STAT5A: variants seen among roughly 807,000 people sequenced by gnomAD.
STAT5A encodes signal transducer and activator of transcription 5A, also known as epididymis secretory sperm binding protein.
Under a neutral mutation model 100.2 loss-of-function variants are expected in STAT5A, and 26 were observed. The ratio of observed to expected loss-of-function variants is 0.26; its 90% confidence interval spans 0.19 to 0.36. The LOEUF is 0.36. STAT5A is among the 10% of genes least tolerant of loss of function. STAT5A has a pLI of 1.00. For missense variants in STAT5A, 634 were observed against 1,027.5 expected, an observed-to-expected ratio of 0.62 and a Z score of 5.24; for synonymous variants, 330 against 424.3, an observed-to-expected ratio of 0.78 and a Z score of 2.73.
chr17:42,307,538 G>T lies in STAT5A; in HGVS notation c.1775+42G>T, dbSNP rs373682045. On this transcript the variant is annotated intron_variant, in intron 14 of 18. Transcript: ENST00000590949. ...GCAGGGTCAGGGGCCAGCTGTGGGC[G>T]CAGAGAGACTGTGGCTGTGGCCCAG... 10 of 1,614,048 alleles carry T rather than the reference G, an allele frequency of 6.2e-6. No individual in the cohort carries two copies. The East Asian group carries it at 2.0e-4, about 32-fold the overall frequency.
chr17:42,308,442 G>C lies in STAT5A; in HGVS notation c.2062+109G>C. On this transcript the variant is annotated intron_variant, in intron 16 of 18. Transcript: ENST00000590949. This position sits in a 1 kb window ranked among gnomAD's most constrained non-coding sequence, Gnocchi z 4.6. ...GGACTTCCCCAGGAGGAGCCTAGGGGCCATGTCCCCTGTGGGTTTTGGCCC... is the reference window on the plus strand; with the variant it reads ...GGACTTCCCCAGGAGGAGCCTAGGGCCCATGTCCCCTGTGGGTTTTGGCCC... 6.6e-7 allele frequency: 1 copy of C among 1,507,502 alleles called. No individual in the cohort carries two copies. The highest frequency in any genetic ancestry group is 9.0e-7 in the Non-Finnish European group (1 of 1,105,662). 93.4% of individuals were successfully genotyped at this position (1,507,502 alleles called of 1,614,324 possible). A position where few individuals can be genotyped will look rare whatever the true frequency, so the allele number is the denominator to read the frequency against.
chr17:42,307,228 G>C (rs2081037468), intron 13 of STAT5A, among the ~76,000 whole-genome samples, 174 bp from the exon 14 acceptor site: 2 of 152,094 alleles, frequency 1.3e-5, no homozygotes, highest in South Asian at 2.1e-4. Flanking sequence ...TTTCCTCTCT[G>C]TTTTCCTAGG....
In STAT5A at chr17:42,304,317, G is replaced by A; in HGVS notation, c.1170-25G>A. On this transcript the variant is annotated intron_variant, in intron 9 of 18. Coordinates refer to ENST00000590949, the MANE Select transcript of STAT5A (RefSeq NM_001288718.2). This position sits in a 1 kb window ranked among gnomAD's most constrained non-coding sequence, Gnocchi z 4.8. ...GCTCCTGGCCTGGGGCCCATGTGGA[G>A]CTGGGACCCCCCTCTCCTTTGCAGC... 2 of 1,612,030 alleles carry A rather than the reference G, an allele frequency of 1.2e-6. No individual in the cohort carries two copies. The highest frequency in any genetic ancestry group is 1.7e-6 in the Non-Finnish European group (2 of 1,178,498).
chr17:42,305,804 C>T, intron 12 of STAT5A, 102 bp downstream of exon 12: 2 of 1,245,982 alleles, frequency 1.6e-6, no homozygotes, highest in Admixed American at 2.1e-5. Flanking sequence ...CTTCCTCACC[C>T]CAGGGCCAGC....
chr17:42,309,354 GCT>G, intron 17 of STAT5A, 21 bp from the exon 18 acceptor site: 1 of 1,611,740 alleles, frequency 6.2e-7, no homozygotes, highest in Non-Finnish European at 8.5e-7. Context: ...GGTGGCTGAA[GCT>G]CTGTTCTCTT....
At position 42,298,966 on chromosome 17, in the gene STAT5A, T is replaced by C. The variant is rs567056067; in HGVS notation, c.551-785T>C. Among the ~76,000 whole-genome samples the C allele has an allele frequency of 5.9e-5, 9 of 151,600 alleles. No individual in the cohort carries two copies. In the East Asian group the frequency reaches 1.7e-3, roughly 29 times the overall value. The stretch of plus-strand genomic sequence containing the variant: ...GGACACGCTCTCCCTCTGCGGTCTG[T>C]CTATCTGTCTGTCTCCCCTGGTTGG... On this transcript the variant is annotated intron_variant, in intron 5 of 18. Transcript: ENST00000590949.
chr17:42,288,602 G>A lies in STAT5A; in HGVS notation c.-11+4G>A, dbSNP rs1480435319. On this transcript the variant is annotated splice_donor_region_variant and intron_variant, in intron 1 of 18. Coordinates refer to ENST00000590949, the MANE Select transcript of STAT5A (RefSeq NM_001288718.2). This position sits in a 1 kb window ranked among gnomAD's most constrained non-coding sequence, Gnocchi z 4.8. ...CCGGACGGTGCGGCCCCACCAGGTG[G>A]GTGACCCGGTGGCGCGTCCTCGGCG... 6.6e-6 allele frequency: 1 copy of A among 152,130 alleles called. No individual in the cohort carries two copies. The highest frequency in any genetic ancestry group is 6.5e-5 in the Admixed American group (1 of 15,272). 9.4% of individuals were successfully genotyped at this position (152,130 alleles called of 1,614,324 possible).
In STAT5A at chr17:42,292,878, T is replaced by C. The variant is rs540744512; in HGVS notation, c.375+817T>C. On this transcript the variant is annotated intron_variant, in intron 4 of 18. Transcript: ENST00000590949. ...CTCCTGACCTCATGATCCACCCGCC[T>C]CGGCCTCCCAAAGTGTTGGGATTAC... Among the ~76,000 whole-genome samples, 5 of 152,186 alleles carry C rather than the reference T, an allele frequency of 3.3e-5. No individual in the cohort carries two copies. In the South Asian group the frequency reaches 6.2e-4, roughly 19 times the overall value.
chr17:42,309,302 G>A (rs2081058202), intron 17 of STAT5A, 75 bp from the exon 18 acceptor site: 1 of 1,561,442 alleles, frequency 6.4e-7, no homozygotes. Flanking sequence ...AGACAAACAT[G>A]CCCCTCGGTC....
rs542105486 is a variant in STAT5A, at chr17:42,289,495, C to A, written c.84C>A (p.Ile28=). ...MQVLYGQHFP[I]EVRHYLAQWI... is the part of the protein sequence containing the mutation. ...TGCTGTACGGCCAGCACTTCCCCAT[C>A]GAGGTCCGGCACTACTTGGCCCAGT... The change falls in exon 2 of 19, where the codon ATC becomes ATA. Residue 28 remains isoleucine (I), a synonymous_variant. Coordinates refer to ENST00000590949, the MANE Select transcript of STAT5A (RefSeq NM_001288718.2). The A allele has an allele frequency of 2.5e-6, 4 of 1,613,342 alleles. No individual in the cohort carries two copies. In the East Asian group the frequency reaches 6.7e-5, roughly 27 times the overall value.
At chr17:42,294,151 T>G (rs2080897135) in intron 4 of STAT5A, among the ~76,000 whole-genome samples, 1 of 151,492 alleles carries the variant, frequency 6.6e-6, no homozygotes, top group South Asian at 2.1e-4. Flanking sequence ...AGGAGGGGGA[T>G]GTTGCAGTGA....
chr17:42,308,033 T>C lies in STAT5A; in HGVS notation c.1907-145T>C, dbSNP rs2081046616. 1.7e-6 allele frequency: 2 copies of C among 1,158,594 alleles called. No homozygotes were observed. Among genetic ancestry groups the C allele is most frequent in the Non-Finnish European group, 2.4e-6 (2 of 831,976 alleles). The allele number at this position is 1,158,594 out of a possible 1,614,324, so 71.8% of individuals were successfully genotyped here. On this transcript the variant is annotated intron_variant, in intron 15 of 18. Coordinates refer to ENST00000590949, the MANE Select transcript of STAT5A (RefSeq NM_001288718.2). The surrounding 1 kb of genome is among the most constrained non-coding windows in gnomAD (Gnocchi z 4.6). Reference sequence around the variant, plus strand: ...GGTTTGCTGAGTAGAACATCCCGCATCGGCTTTCTTCCCTACAGGCTGGGG... The same window carrying C: ...GGTTTGCTGAGTAGAACATCCCGCACCGGCTTTCTTCCCTACAGGCTGGGG...
In STAT5A at chr17:42,289,955, A is replaced by G; in HGVS notation, c.218A>G (p.Glu73Gly). 3 of 1,610,752 alleles carry G rather than the reference A, an allele frequency of 1.9e-6. No individual in the cohort carries two copies. The highest frequency in any genetic ancestry group is 2.5e-6 in the Non-Finnish European group (3 of 1,178,734). Residue 73 changes from glutamate to glycine, a missense_variant, in exon 3 of 19, where the codon GAG becomes GGG. Physicochemically the swap from Glu to Gly is moderately conservative, Grantham distance 98. Coordinates refer to ENST00000590949, the MANE Select transcript of STAT5A (RefSeq NM_001288718.2). ...GTGCAGGAGCTGCAGAAGAAGGCGG[A>G]GCACCAGGTGGGGGAAGATGGGTTT... ...GLVQELQKKA[E>G]HQVGEDGFLL...
rs2080963978 is a variant in STAT5A at position 42,300,286 on chromosome 17, T to C, written c.833+5T>C. ...CCTGGACGTGCTACAGTCCTGGTAA[T>C]GGTGTGGGGCGGCCAGCGGGCAGGG... On this transcript the variant is annotated splice_donor_5th_base_variant and intron_variant, in intron 7 of 18. Transcript: ENST00000590949. The C allele has an allele frequency of 6.4e-7, 1 of 1,565,714 alleles. No individual in the cohort carries two copies. Among genetic ancestry groups the C allele is most frequent in the Non-Finnish European group, 8.7e-7 (1 of 1,155,548 alleles).
rs750372413 is a variant in STAT5A, at chr17:42,304,592, C to T, written c.1320C>T (p.Phe440=). ...RGAESVTEEK[F]TVLFESQFSV... ...CAGAGTCCGTGACAGAGGAGAAGTT[C>T]ACAGTCCTGTTTGAGTCTCAGTTCA... Residue 440 remains phenylalanine (F), a synonymous_variant, in exon 11 of 19, where the codon TTC becomes TTT. Transcript: ENST00000590949. The surrounding 1 kb of genome is among the most constrained non-coding windows in gnomAD (Gnocchi z 4.8). 5 of 1,614,098 alleles carry T rather than the reference C, an allele frequency of 3.1e-6. No individual in the cohort carries two copies. In the South Asian group the frequency reaches 5.5e-5, roughly 18 times the overall value.
chr17:42,308,639 A>G lies in STAT5A; in HGVS notation c.2062+306A>G, dbSNP rs1391698078. 1.6e-5 allele frequency: 8 copies of G among 499,094 alleles called. No homozygotes were observed. The highest frequency in any genetic ancestry group is 1.3e-4 in the South Asian group (6 of 44,668). The allele number at this position is 499,094 out of a possible 1,614,324, so 30.9% of individuals were successfully genotyped here. Reference sequence around the variant, plus strand: ...GCCGGGATCATTCGAGCCCACAGATAGTGCTCCGCTCCCCACCTCACCAGC... The same window carrying G: ...GCCGGGATCATTCGAGCCCACAGATGGTGCTCCGCTCCCCACCTCACCAGC... On this transcript the variant is annotated intron_variant, in intron 16 of 18. Coordinates refer to ENST00000590949, the MANE Select transcript of STAT5A (RefSeq NM_001288718.2). The surrounding 1 kb of genome is among the most constrained non-coding windows in gnomAD (Gnocchi z 4.6).
intron 9 of STAT5A, among the ~76,000 whole-genome samples, chr17:42,302,551 C>A: frequency 6.6e-6 from 1 of 152,188 alleles, no homozygotes; most frequent in East Asian, 1.9e-4. Flanking sequence ...AGTGTCAGGG[C>A]AGGCCACCCA....
intron 5 of STAT5A, among the ~76,000 whole-genome samples, chr17:42,298,994 G>A (rs1292639490): frequency 1.3e-5 from 2 of 151,782 alleles, no homozygotes; most frequent in South Asian, 2.1e-4. Flanking sequence ...CTGGTTGGTC[G>A]GCTGGGCTCA....
rs2080913170 is a variant in STAT5A, at chr17:42,295,793, G to A, written c.550G>A (p.Ala184Thr). Reference sequence around the variant, plus strand: ...GTACCAGGAGAGCCTGAGGATCCAAGGTGAGGCGCGGTGGAGGCAGTGTGC... The same window carrying A: ...GTACCAGGAGAGCCTGAGGATCCAAAGTGAGGCGCGGTGGAGGCAGTGTGC... The part of the protein sequence containing the change: ...IQYQESLRIQ[A>T]QFAQLAQLSP... The change falls in exon 5 of 19, where the codon GCT becomes ACT. Residue 184 changes from alanine (A) to threonine (T), a missense_variant and splice_region_variant. Transcript: ENST00000590949. The A allele has an allele frequency of 1.2e-6, 2 of 1,613,688 alleles. No homozygotes were observed. Among genetic ancestry groups the A allele is most frequent in the Non-Finnish European group, 1.7e-6 (2 of 1,179,912 alleles).
Sources: gnomAD v4.1 joint callset for allele counts (sites outside exome capture counted in the v4.1 genomes callset) on GRCh38, gnomAD v4.1.1 for gene constraint, Gnocchi (gnomAD v3.1) non-coding constraint, MANE v1.5 for transcripts, NCBI Gene and HGNC (gene_info 2026-07-23, HGNC 2026-07-21) for gene names.